Variants in ABLIM3 observed in about 807,000 individuals in gnomAD.
ABLIM3 encodes the protein actin-binding LIM protein 3.
ABLIM3 carries 61 observed loss-of-function variants against 109.5 expected under a neutral mutation model. The ratio of observed to expected loss-of-function variants is 0.56; its 90% CI spans 0.45 to 0.69. ABLIM3 has a LOEUF of 0.69. Among genes scored for constraint, ABLIM3 ranks in the 30% least tolerant of loss-of-function variants. The probability of loss-of-function intolerance (pLI) is 0.00; values close to 1 mark genes in which losing one functional copy is unlikely to be tolerated. For synonymous variants in ABLIM3, 300 were observed against 324.8 expected, an observed-to-expected ratio of 0.92 and a Z score of 0.82; for missense variants, 796 against 889.5, an observed-to-expected ratio of 0.89 and a Z score of 1.34.
At position 149,258,786 on chromosome 5, in the gene ABLIM3, G is replaced by A. The variant is rs2127580883; in HGVS notation, c.*382G>A. Reference sequence around the variant, plus strand: ...TTCTAGGGCTGATGCTGACCATGTGGTTTCCACACCTTATTGGCCCCAGAG... The same window carrying A: ...TTCTAGGGCTGATGCTGACCATGTGATTTCCACACCTTATTGGCCCCAGAG... On this transcript the variant is annotated 3_prime_UTR_variant, in exon 24 of 24. Coordinates refer to ENST00000309868, the MANE Select transcript of ABLIM3 (RefSeq NM_014945.5). 1.0e-6 allele frequency: 1 copy of A among 995,166 alleles called. No individual in the cohort carries two copies. Among genetic ancestry groups the A allele is most frequent in the South Asian group, 4.5e-5 (1 of 22,000 alleles). 61.6% of individuals were successfully genotyped at this position (995,166 alleles called of 1,614,324 possible). A position where few individuals can be genotyped will look rare whatever the true frequency, so the allele number is the denominator to read the frequency against.
rs970731357 is a variant in ABLIM3 at position 149,252,307 on chromosome 5, G to A, written c.1857+99G>A. ...GACAGCACTGTCTATGTAGGGAAGG[G>A]AACATAGATAAATAACCCCAGGGGT... On this transcript the variant is annotated intron_variant, in intron 22 of 23. Transcript: ENST00000309868. The A allele has an allele frequency of 1.9e-5, 26 of 1,376,930 alleles. No homozygotes were observed. The African/African-American group carries it at 3.4e-4, about 18-fold the overall frequency. 85.3% of individuals were successfully genotyped at this position (1,376,930 alleles called of 1,614,324 possible).
rs149373123 is a variant in ABLIM3 at position 149,180,033 on chromosome 5, A to T, written c.14-3419A>T. Among the ~76,000 whole-genome samples, 475 of 152,314 alleles carry T rather than the reference A, an allele frequency of 3.1e-3. 2 individuals are homozygous for T. The highest frequency in any genetic ancestry group is 0.017 in the Middle Eastern group (5 of 294). ...ATACATTTCAGAAATCAATCACATA[A>T]TCTATAAGGTCTAAATGTGGCAGCT... On this transcript the variant is annotated intron_variant, in intron 2 of 23. Transcript: ENST00000309868.
chr5:149,163,722 G>C lies in ABLIM3; in HGVS notation c.14-19730G>C, dbSNP rs377752594. Among the ~76,000 whole-genome samples the C allele has an allele frequency of 1.8e-4, 28 of 152,276 alleles. No homozygotes were observed. The South Asian group carries it at 5.4e-3, about 29-fold the overall frequency. ...ATTGCCAAATAAAGTCATATTCTGA[G>C]GTACTGAGGGTAGGGACTTCATCAT... On this transcript the variant is annotated intron_variant, in intron 2 of 23. Coordinates refer to ENST00000309868, the MANE Select transcript of ABLIM3 (RefSeq NM_014945.5).
At position 149,198,212 on chromosome 5, in the gene ABLIM3, C is replaced by T. The variant is rs769669191; in HGVS notation, c.152-7C>T. On this transcript the variant is annotated splice_polypyrimidine_tract_variant and splice_region_variant and intron_variant, in intron 3 of 23. Coordinates refer to ENST00000309868, the MANE Select transcript of ABLIM3 (RefSeq NM_014945.5). The surrounding 1 kb of genome is among the most constrained non-coding windows in gnomAD (Gnocchi z 4.2). ...ACCTGCCCTTGTTTTCCTCCTTGTT[C>T]CCCAAGTATGTGGCTGTGGCCTGGC... 1 of 1,607,380 alleles carries T rather than the reference C, an allele frequency of 6.2e-7. No individual in the cohort carries two copies. Among genetic ancestry groups the T allele is most frequent in the East Asian group, 2.2e-5 (1 of 44,840 alleles).
intron 8 of ABLIM3, chr5:149,217,279 CT>C: frequency 1.8e-6 from 1 of 554,102 alleles, no homozygotes; most frequent in Non-Finnish European, 3.3e-6. Context: ...CCTCCACCCG[CT>C]GCCCAGCTGG....
At position 149,214,446 on chromosome 5, in the gene ABLIM3, G is replaced by A. The variant is rs1037594272; in HGVS notation, c.670-2513G>A. Among the ~76,000 whole-genome samples, 3 of 152,194 alleles carry A rather than the reference G, an allele frequency of 2.0e-5. No homozygotes were observed. In the East Asian group the frequency reaches 5.8e-4, roughly 29 times the overall value. On this transcript the variant is annotated intron_variant, in intron 7 of 23. Transcript: ENST00000309868. Reference sequence around the variant, plus strand: ...TTTCTAATAGCTCAGCAAGCATTCTGGGACTGACTCTCATTGGACAATCTC... The same window carrying A: ...TTTCTAATAGCTCAGCAAGCATTCTAGGACTGACTCTCATTGGACAATCTC...
rs934437012 is a variant in ABLIM3, at chr5:149,259,751, C to A, written c.*1347C>A. 4.3e-6 allele frequency: 3 copies of A among 695,910 alleles called. No individual in the cohort carries two copies. Among genetic ancestry groups the A allele is most frequent in the South Asian group, 3.8e-5 (2 of 52,598 alleles). The allele number at this position is 695,910 out of a possible 1,614,324, so 43.1% of individuals were successfully genotyped here. On this transcript the variant is annotated 3_prime_UTR_variant, in exon 24 of 24. Coordinates refer to ENST00000309868, the MANE Select transcript of ABLIM3 (RefSeq NM_014945.5). ...TGGGGGCTGTTCCTTCTTGGAGAAGCCTTGAGTCGGACCATTTTGAGATCA... is the reference window on the plus strand; with the variant it reads ...TGGGGGCTGTTCCTTCTTGGAGAAGACTTGAGTCGGACCATTTTGAGATCA...
chr5:149,181,206 G>A (rs1050245706), intron 2 of ABLIM3, among the ~76,000 whole-genome samples: 1 of 152,124 alleles, frequency 6.6e-6, no homozygotes, highest in African/African-American at 2.4e-5. Flanking sequence ...CAGGGCAGAA[G>A]AGAGAGTGAA....
chr5:149,173,652 G>A (rs1755648885), intron 2 of ABLIM3, among the ~76,000 whole-genome samples: 1 of 152,164 alleles, frequency 6.6e-6, no homozygotes, highest in Non-Finnish European at 1.5e-5. Context: ...TGGCTTCCAG[G>A]TGGGGCTCAT....
At chr5:149,154,575 A>G (rs531314680) in intron 2 of ABLIM3, among the ~76,000 whole-genome samples, 1 of 152,318 alleles carries the variant, frequency 6.6e-6, no homozygotes, top group Non-Finnish European at 1.5e-5. Flanking sequence ...CTATTATTTT[A>G]TTTAATCCTT....
chr5:149,252,513 G>T (rs1463345145), intron 22 of ABLIM3: 1 of 548,718 alleles, frequency 1.8e-6, no homozygotes, highest in African/African-American at 1.9e-5. Context: ...TATTCCATGG[G>T]CACATGGCAA....
At position 149,237,742 on chromosome 5, in the gene ABLIM3, C is replaced by T. The variant is rs1752362796; in HGVS notation, c.1044+139C>T. 30 of 1,124,582 alleles carry T rather than the reference C, an allele frequency of 2.7e-5. 2 individuals carry two copies. The South Asian group carries it at 4.3e-4, about 16-fold the overall frequency. 69.7% of individuals were successfully genotyped at this position (1,124,582 alleles called of 1,614,324 possible). A position where few individuals can be genotyped will look rare whatever the true frequency, so the allele number is the denominator to read the frequency against. On this transcript the variant is annotated intron_variant, in intron 11 of 23. Transcript: ENST00000309868. The stretch of plus-strand genomic sequence containing the variant: ...CTTCTACACTGGGATTTATGGCCAA[C>T]GTTTTTTAAATGAAGAGATTTCATT...
At chr5:149,256,316 T>C (rs1754423307) in intron 23 of ABLIM3, among the ~76,000 whole-genome samples, 4 of 152,154 alleles carry the variant, frequency 2.6e-5, no homozygotes, top group Admixed American at 2.6e-4. Context: ...CCAACAACAA[T>C]AACAAACGAT....
At chr5:149,231,200 T>C (rs1331281296) in intron 9 of ABLIM3, among the ~76,000 whole-genome samples, 1 of 152,184 alleles carries the variant, frequency 6.6e-6, no homozygotes, top group African/African-American at 2.4e-5. Context: ...AAAGAGGTGA[T>C]GATGTGCCTG....
chr5:149,246,602 CT>C, intron 17 of ABLIM3, 56 bp downstream of exon 17: 1 of 1,547,444 alleles, frequency 6.5e-7, no homozygotes, highest in Non-Finnish European at 8.8e-7. Context: ...CACTGAGGGT[CT>C]TTTCATTTAC....
chr5:149,179,344 C>T (rs907498306), intron 2 of ABLIM3, among the ~76,000 whole-genome samples: 7 of 151,882 alleles, frequency 4.6e-5, no homozygotes, highest in Non-Finnish European at 7.4e-5. Context: ...AAAATTATAC[C>T]GACAGCCATT....
chr5:149,248,086 C>T (rs971190581), intron 18 of ABLIM3, among the ~76,000 whole-genome samples, 157 bp downstream of exon 18: 1 of 152,214 alleles, frequency 6.6e-6, no homozygotes, highest in Non-Finnish European at 1.5e-5. Context: ...GTGACTTGCC[C>T]AAGATCACTC....
chr5:149,259,510 C>T lies in ABLIM3; in HGVS notation c.*1106C>T. ...CAACCATACCATACCCCCGCCAGTCCTCGGCTCCTGCTGCAAAGTTGGCCA... is the reference window on the plus strand; with the variant it reads ...CAACCATACCATACCCCCGCCAGTCTTCGGCTCCTGCTGCAAAGTTGGCCA... On this transcript the variant is annotated 3_prime_UTR_variant, in exon 24 of 24. Transcript: ENST00000309868. 6.5e-7 allele frequency: 1 copy of T among 1,536,186 alleles called. No homozygotes were observed. The highest frequency in any genetic ancestry group is 8.7e-7 in the Non-Finnish European group (1 of 1,146,926).
At chr5:149,207,225 T>C in intron 6 of ABLIM3, 91 bp downstream of exon 6, 1 of 1,505,600 alleles carries the variant, frequency 6.6e-7, no homozygotes, top group Non-Finnish European at 9.0e-7. Flanking sequence ...TCCAGCATCA[T>C]CTCCCTTCCT....
Sources: allele counts gnomAD v4.1 joint callset (sites outside exome capture counted in the v4.1 genomes callset), GRCh38; gene constraint gnomAD v4.1.1; non-coding constraint Gnocchi (gnomAD v3.1); transcripts MANE v1.5; gene names NCBI Gene and HGNC (gene_info 2026-07-23, HGNC 2026-07-21).